MREG: variants seen among roughly 807,000 people sequenced by gnomAD.
MREG encodes the protein dilute suppressor protein homolog.
In MREG, 31 loss-of-function variants were observed where a neutral mutation model predicts 28.5. The observed-to-expected ratio is 1.09, with a 90% CI of 0.82 to 1.47. The LOEUF (loss-of-function observed/expected upper bound fraction) is 1.47, where lower values mean the gene tolerates loss of function less well. MREG is among the 40% of genes most tolerant of loss of function. MREG has a pLI of 0.00. For synonymous variants in MREG, 106 were observed against 95.2 expected, an observed-to-expected ratio of 1.11 and a Z score of -0.66; for missense variants, 256 against 257.4, an observed-to-expected ratio of 0.99 and a Z score of 0.04.
At chr2:216,031,428 GAAAAGAAAGAAAGA>G (rs1388935534) in intron 1 of MREG, among the ~76,000 whole-genome samples, 3 of 56,864 alleles carry the variant, frequency 5.3e-5, no homozygotes, top group African/African-American at 5.1e-5. Flanking sequence ...AAGAAAGAAA[GAAAAGAAAGAAAGA>G]AAAAGAAAGA....
chr2:215,941,507 T>C (rs377341288), downstream of MREG, among the ~76,000 whole-genome samples: 14 of 152,348 alleles, frequency 9.2e-5, no homozygotes, highest in East Asian at 1.5e-3. Context: ...AGATTATTCA[T>C]GTACTCCCCT....
chr2:215,964,193 A>G (rs1199161279), intron 2 of MREG, among the ~76,000 whole-genome samples: 3 of 152,130 alleles, frequency 2.0e-5, no homozygotes, highest in African/African-American at 7.2e-5. Context: ...TAATATAGAA[A>G]GAAAGTCAGG....
At chr2:215,947,504 T>C (rs1033435686) in intron 2 of MREG, among the ~76,000 whole-genome samples, 1 of 152,180 alleles carries the variant, frequency 6.6e-6, no homozygotes, top group Non-Finnish European at 1.5e-5. Flanking sequence ...AAAATCTATA[T>C]ATTATTAAAG....
upstream of MREG, chr2:216,033,731 T>C (rs1694747423): frequency 6.6e-6 from 1 of 152,434 alleles, no homozygotes; most frequent in African/African-American, 2.4e-5. Flanking sequence ...TGAATGCTGA[T>C]GGCATCAGGA....
intron 1 of MREG, among the ~76,000 whole-genome samples, chr2:216,021,194 T>C (rs566646026): frequency 1.3e-5 from 2 of 152,248 alleles, no homozygotes; most frequent in South Asian, 2.1e-4. Context: ...GTCACCCAGG[T>C]TGGAGTGCAG....
At chr2:215,960,214 C>T (rs565724397) in intron 2 of MREG, among the ~76,000 whole-genome samples, 1 of 152,290 alleles carries the variant, frequency 6.6e-6, no homozygotes, top group Non-Finnish European at 1.5e-5. Context: ...CTTGGCCTCC[C>T]AAAGTGCTGG....
chr2:215,945,418 CG>C (rs910695949), intron 4 of MREG, among the ~76,000 whole-genome samples, 152 bp downstream of exon 4: 5 of 152,148 alleles, frequency 3.3e-5, no homozygotes, highest in African/African-American at 9.7e-5. Flanking sequence ...TCTGATGCTG[CG>C]GGCCACTGGG....
At chr2:215,962,884 C>A (rs1692828133) in intron 2 of MREG, among the ~76,000 whole-genome samples, 3 of 152,156 alleles carry the variant, frequency 2.0e-5, no homozygotes, top group African/African-American at 7.2e-5. Flanking sequence ...GCTTGTAATC[C>A]CAGCAATTTG....
At chr2:216,015,189 G>A (rs979416006), upstream of MREG, among the ~76,000 whole-genome samples, 6 of 152,136 alleles carry the variant, frequency 3.9e-5, no homozygotes, top group African/African-American at 9.7e-5. Flanking sequence ...GTTCGTGTAT[G>A]TGTGCGTGTG....
intron 2 of MREG, among the ~76,000 whole-genome samples, chr2:215,984,130 T>C (rs1050229742): frequency 4.6e-5 from 7 of 152,304 alleles, no homozygotes; most frequent in Middle Eastern, 3.4e-3. Context: ...ACATCTTACA[T>C]GGATGGCAGC....
chr2:215,942,854 G>T lies in MREG; in HGVS notation c.*2009C>A, dbSNP rs894107992. On this transcript the variant is annotated 3_prime_UTR_variant, in exon 5 of 5. Transcript: ENST00000263268. ...TTCACTGTTTGAATGTTTATCTTGCGAGAGTCTACAGAATTGAGAGAAAAT... is the reference window on the plus strand; with the variant it reads ...TTCACTGTTTGAATGTTTATCTTGCTAGAGTCTACAGAATTGAGAGAAAAT... 1 of 152,482 alleles carries T rather than the reference G, an allele frequency of 6.6e-6. No homozygotes were observed. The highest frequency in any genetic ancestry group is 1.5e-5 in the Non-Finnish European group (1 of 68,036). 9.4% of individuals were successfully genotyped at this position (152,482 alleles called of 1,614,324 possible).
intron 1 of MREG, among the ~76,000 whole-genome samples, chr2:216,006,152 A>T (rs562915134): frequency 7.9e-5 from 12 of 152,358 alleles, no homozygotes; most frequent in Middle Eastern, 3.4e-3. Context: ...CTCTCACATG[A>T]TGTGTAGGAG....
intron 2 of MREG, among the ~76,000 whole-genome samples, chr2:215,986,136 A>G (rs985469793): frequency 1.3e-5 from 2 of 152,214 alleles, no homozygotes; most frequent in African/African-American, 4.8e-5. Context: ...TTACATATCA[A>G]TAGCTCATAG....
intron 2 of MREG, among the ~76,000 whole-genome samples, chr2:215,953,934 C>T (rs1692549880): frequency 6.6e-6 from 1 of 152,232 alleles, no homozygotes. Context: ...ATTTATCTAG[C>T]AGGGAATAGA....
chr2:215,979,297 C>T (rs1373524617), intron 2 of MREG, among the ~76,000 whole-genome samples: 1 of 151,842 alleles, frequency 6.6e-6, no homozygotes, highest in Non-Finnish European at 1.5e-5. Flanking sequence ...AACCCCATCT[C>T]TACTAAAAAT....
At chr2:216,007,150 A>G (rs1388824729) in intron 1 of MREG, among the ~76,000 whole-genome samples, 4 of 152,230 alleles carry the variant, frequency 2.6e-5, no homozygotes, top group Non-Finnish European at 5.9e-5. Context: ...GATGGTGGAC[A>G]TAATTACAGC....
At position 215,944,808 on chromosome 2, in the gene MREG, G is replaced by A. The variant is rs1692278366; in HGVS notation, c.*55C>T. The A allele has an allele frequency of 1.3e-6, 2 of 1,504,496 alleles. No homozygotes were observed. Among genetic ancestry groups the A allele is most frequent in the African/African-American group, 1.4e-5 (1 of 72,568 alleles). The allele number at this position is 1,504,496 out of a possible 1,614,324, so 93.2% of individuals were successfully genotyped here. A position where few individuals can be genotyped will look rare whatever the true frequency, so the allele number is the denominator to read the frequency against. On this transcript the variant is annotated 3_prime_UTR_variant, in exon 5 of 5. Coordinates refer to ENST00000263268, the MANE Select transcript of MREG (RefSeq NM_018000.3). Reference sequence around the variant, plus strand: ...CTTCTACATGTAATTGTCCAACTTTGGTTGACTGCTGAGTCCTCATGGAAG... The same window carrying A: ...CTTCTACATGTAATTGTCCAACTTTAGTTGACTGCTGAGTCCTCATGGAAG...
At chr2:215,954,288 T>C (rs1692561162) in intron 2 of MREG, among the ~76,000 whole-genome samples, 1 of 152,190 alleles carries the variant, frequency 6.6e-6, no homozygotes, top group African/African-American at 2.4e-5. Flanking sequence ...AAGTTCACTT[T>C]TGATTAAAAA....
chr2:215,949,084 C>CTAATAATAA (rs1491366027), intron 2 of MREG, among the ~76,000 whole-genome samples: 57 of 115,418 alleles, frequency 4.9e-4, no homozygotes, highest in African/African-American at 5.6e-4. Flanking sequence ...ACTACTACTA[C>CTAATAATAA]TACTAATAAT....
Sources: allele counts gnomAD v4.1 joint callset (sites outside exome capture counted in the v4.1 genomes callset), GRCh38; gene constraint gnomAD v4.1.1; transcripts MANE v1.5; gene names NCBI Gene and HGNC (gene_info 2026-07-23, HGNC 2026-07-21).